Variants in CHD1L observed in about 807,000 individuals in gnomAD.
CHD1L encodes ATP-dependent chromatin remodeler CHD1L.
Under a neutral mutation model 115.9 loss-of-function variants are expected in CHD1L, and 118 were observed. The observed-to-expected ratio is 1.02, with a 90% CI of 0.88 to 1.19. The LOEUF is 1.19. CHD1L is among the 50% of genes most tolerant of loss of function. The pLI is 0.00. For synonymous variants in CHD1L, 411 were observed against 387.1 expected (o/e 1.06, Z -0.72); for missense variants, 1,179 against 1,065.3 (o/e 1.11, Z -1.49).
chr1:147,270,872 G>C (rs1454843003), intron 10 of CHD1L, 60 bp from the exon 11 acceptor site: 13 of 1,429,530 alleles, frequency 9.1e-6, no homozygotes, highest in East Asian at 2.3e-5. Flanking sequence ...TTTTGCCTGA[G>C]GGAAATTGAC....
At chr1:147,262,824 C>A (rs587606747) in intron 6 of CHD1L, among the ~76,000 whole-genome samples, 6 of 150,086 alleles carry the variant, frequency 4.0e-5, no homozygotes, top group African/African-American at 1.5e-4. Context: ...TATGGCCCCC[C>A]CTCCAAATCA....
the CHD1L span, among the ~76,000 whole-genome samples, chr1:147,235,994 G>A: frequency 1.3e-5 from 2 of 152,312 alleles, no homozygotes; most frequent in South Asian, 2.1e-4. Context: ...TCCCATGCCA[G>A]CCAAGGGCCA....
At chr1:147,231,619 C>G in the CHD1L span, among the ~76,000 whole-genome samples, 1 of 152,042 alleles carries the variant, frequency 6.6e-6, no homozygotes. Context: ...TTAAAGTCTC[C>G]CATTATTATT....
chr1:147,194,252 C>T, the CHD1L span, among the ~76,000 whole-genome samples: 1 of 152,078 alleles, frequency 6.6e-6, no homozygotes, highest in Non-Finnish European at 1.5e-5. Flanking sequence ...ATCCCTTTAC[C>T]ATTATTTAAT....
chr1:147,293,543 G>C, intron 20 of CHD1L, 65 bp from the exon 21 acceptor site: 1 of 1,369,998 alleles, frequency 7.3e-7, no homozygotes, highest in Non-Finnish European at 1.0e-6. Flanking sequence ...GCCTCCATGG[G>C]CGGTCACTTG....
chr1:147,208,063 A>G, the CHD1L span, among the ~76,000 whole-genome samples: 1 of 152,216 alleles, frequency 6.6e-6, no homozygotes, highest in South Asian at 2.1e-4. Context: ...ACCAACTTAT[A>G]GGGCTATTGT....
chr1:147,215,273 A>C, the CHD1L span: 1 of 152,356 alleles, frequency 6.6e-6, no homozygotes, highest in African/African-American at 2.4e-5. Context: ...CTGCAATTCC[A>C]TGTTCTCCCC....
the CHD1L span, chr1:147,225,603 CT>C: frequency 6.5e-6 from 1 of 153,886 alleles, no homozygotes; most frequent in Non-Finnish European, 1.4e-5. Context: ...CCCGTCTGTG[CT>C]CGCTTCTGCA....
the CHD1L span, among the ~76,000 whole-genome samples, chr1:147,185,319 A>G: frequency 6.6e-6 from 1 of 151,938 alleles, no homozygotes; most frequent in East Asian, 1.9e-4. Context: ...TAATTCAACA[A>G]ATTTACATGC....
chr1:147,242,678 C>A, upstream of CHD1L: 3 of 1,264,754 alleles, frequency 2.4e-6, no homozygotes. Context: ...CGCTTGGCCG[C>A]GCGGGGCGGG....
chr1:147,232,295 T>C, the CHD1L span, among the ~76,000 whole-genome samples: 2 of 152,178 alleles, frequency 1.3e-5, no homozygotes, highest in African/African-American at 4.8e-5. Context: ...ACAGTGTCTG[T>C]TGGGAAAAAG....
At chr1:147,273,774 C>T (rs1677203689) in intron 12 of CHD1L, among the ~76,000 whole-genome samples, 1 of 152,206 alleles carries the variant, frequency 6.6e-6, no homozygotes, top group Non-Finnish European at 1.5e-5. Flanking sequence ...CTGAAGCAGT[C>T]CTGGACATTA....
chr1:147,248,238 G>A (rs148078764), intron 1 of CHD1L, among the ~76,000 whole-genome samples: 104 of 146,640 alleles, frequency 7.1e-4, no homozygotes, highest in African/African-American at 2.6e-3. Context: ...ACGGAGTTTC[G>A]CTCTTGTTGC....
chr1:147,276,197 C>T lies in CHD1L; in HGVS notation c.1479C>T (p.Ile493=). ...CCAAACTGCAGCTCACCAACATGAT[C>T]ATAGAAGGAGGCCATTTTACTCTGG... ...AASKLQLTNM[I]IEGGHFTLGA... Residue 493 remains isoleucine, a synonymous_variant, in exon 14 of 23, where the codon ATC becomes ATT. Coordinates refer to ENST00000369258, the MANE Select transcript of CHD1L (RefSeq NM_004284.6). The T allele has an allele frequency of 6.2e-7, 1 of 1,614,184 alleles. No homozygotes were observed. The highest frequency in any genetic ancestry group is 8.5e-7 in the Non-Finnish European group (1 of 1,180,024).
At chr1:147,278,221 G>A (rs1679294727) in intron 14 of CHD1L, among the ~76,000 whole-genome samples, 1 of 55,020 alleles carries the variant, frequency 1.8e-5, no homozygotes, top group Non-Finnish European at 3.4e-5. Context: ...TTGTTTTTTG[G>A]GTTTTTTTTT....
chr1:147,258,154 T>C (rs1449215096), intron 5 of CHD1L, among the ~76,000 whole-genome samples: 4 of 152,190 alleles, frequency 2.6e-5, no homozygotes, highest in African/African-American at 7.2e-5. Context: ...GTTACAAATA[T>C]GAAAAATTTG....
the CHD1L span, chr1:147,204,004 C>G: frequency 3.4e-6 from 4 of 1,162,712 alleles, no homozygotes; most frequent in Admixed American, 6.7e-5. Context: ...TCACTAACAT[C>G]ATATTATATT....
chr1:147,214,280 C>T, the CHD1L span, among the ~76,000 whole-genome samples: 4 of 151,852 alleles, frequency 2.6e-5, no homozygotes, highest in Non-Finnish European at 5.9e-5. Flanking sequence ...GGCGAAACCC[C>T]GTCTCTACTA....
chr1:147,259,902 A>T lies in CHD1L; in HGVS notation c.560A>T (p.His187Leu). Reference protein sequence around the residue: ...HRLKNQSSLLHKTLSEFSVVF... With the variant: ...HRLKNQSSLLLKTLSEFSVVF... ...TTGAAAAACCAAAGCTCCCTGCTGC[A>T]TAAGACCTTGTCAGAGGTAAACTTA... Residue 187 changes from histidine (H) to leucine (L), a missense_variant, in exon 6 of 23, where the codon CAT (histidine) becomes CTT (leucine). Coordinates refer to ENST00000369258, the MANE Select transcript of CHD1L (RefSeq NM_004284.6). 1 of 1,613,624 alleles carries T rather than the reference A, an allele frequency of 6.2e-7. No individual in the cohort carries two copies. Among genetic ancestry groups the T allele is most frequent in the Non-Finnish European group, 8.5e-7 (1 of 1,179,594 alleles).
Sources: gnomAD v4.1 joint callset for allele counts (sites outside exome capture counted in the v4.1 genomes callset) on GRCh38, gnomAD v4.1.1 for gene constraint, MANE v1.5 for transcripts, NCBI Gene and HGNC (gene_info 2026-07-23, HGNC 2026-07-21) for gene names.